The following ABCB5 variants were observed in gnomAD, a reference collection of about 807,000 sequenced individuals.
ABCB5 encodes ATP-binding cassette sub-family B member 5.
ABCB5 carries 155 observed loss-of-function variants against 144.2 expected under a neutral mutation model. The observed-to-expected ratio is 1.08, with a 90% confidence interval of 0.94 to 1.23. The LOEUF is 1.23. Among genes scored for constraint, ABCB5 ranks in the 50% most tolerant of loss-of-function variants. The pLI is 0.00. For synonymous variants in ABCB5, 610 were observed against 528.6 expected (o/e 1.15, Z -2.11); for missense variants, 1,830 against 1,520.8 (o/e 1.20, Z -3.38).
At chr7:20,668,591 G>T (rs1378681194) in intron 14 of ABCB5, among the ~76,000 whole-genome samples, 2 of 24,494 alleles carry the variant, frequency 8.2e-5, no homozygotes, top group Non-Finnish European at 1.9e-4. Flanking sequence ...GGAGGGAGGT[G>T]GGGGGGGGGG....
intron 21 of ABCB5, among the ~76,000 whole-genome samples, chr7:20,726,620 G>C (rs1462942605): frequency 6.6e-6 from 1 of 152,042 alleles, no homozygotes; most frequent in African/African-American, 2.4e-5. Context: ...GCCCGCCTTG[G>C]CCTCCCAAAG....
intron 13 of ABCB5, 117 bp downstream of exon 13, chr7:20,651,740 A>C: frequency 8.9e-7 from 1 of 1,118,290 alleles, no homozygotes; most frequent in Non-Finnish European, 1.3e-6. Flanking sequence ...TAAATTCTGG[A>C]TTGTCCTAGA....
chr7:20,632,793 T>C (rs1335401874), intron 5 of ABCB5, among the ~76,000 whole-genome samples: 3 of 143,674 alleles, frequency 2.1e-5, no homozygotes, highest in Admixed American at 7.7e-5. Context: ...TTCTCACTCA[T>C]AGGTGGGAAT....
intron 14 of ABCB5, among the ~76,000 whole-genome samples, chr7:20,680,519 G>C (rs1424588176): frequency 6.6e-6 from 1 of 150,466 alleles, no homozygotes; most frequent in Non-Finnish European, 1.5e-5. Flanking sequence ...GCAGTGAGCC[G>C]AGATTGCGCC....
At chr7:20,731,760 C>T (rs1782230085) in intron 23 of ABCB5, among the ~76,000 whole-genome samples, 1 of 152,134 alleles carries the variant, frequency 6.6e-6, no homozygotes, top group African/African-American at 2.4e-5. Flanking sequence ...ATCCCTGTTG[C>T]TTCTCTTGCC....
chr7:20,731,031 C>A (rs182042576), intron 23 of ABCB5, among the ~76,000 whole-genome samples: 2 of 150,948 alleles, frequency 1.3e-5, no homozygotes, highest in African/African-American at 2.5e-5. Flanking sequence ...TGTCACTACT[C>A]TTTCTTTGCT....
chr7:20,666,984 G>A (rs889518490), intron 14 of ABCB5: 6 of 880,834 alleles, frequency 6.8e-6, no homozygotes, highest in Admixed American at 4.0e-5. Context: ...ATATTTTGTT[G>A]TTGTTCACTA....
In ABCB5 at chr7:20,681,505, G is replaced by C; in HGVS notation, c.1708G>C (p.Ala570Pro). The C allele has an allele frequency of 6.2e-7, 1 of 1,613,922 alleles. No individual in the cohort carries two copies. The highest frequency in any genetic ancestry group is 8.5e-7 in the Non-Finnish European group (1 of 1,179,898). Residue 570 changes from alanine (A) to proline (P), a missense_variant and splice_region_variant, in exon 15 of 28, where the codon GCG becomes CCG. By Grantham distance (27) the Ala-to-Pro change is conservative (BLOSUM62 -1). Coordinates refer to ENST00000404938, the MANE Select transcript of ABCB5 (RefSeq NM_001163941.2). ...ATTTTCTATGCATTTTATTCTGTAG[G>C]CGAGCAAAGGTCGGACTACAATCGT... ...KSAVQAALEK[A>P]SKGRTTIVVA...
intron 2 of ABCB5, among the ~76,000 whole-genome samples, chr7:20,623,845 A>T (rs1446967528): frequency 1.3e-5 from 2 of 152,338 alleles, no homozygotes; most frequent in Non-Finnish European, 2.9e-5. Flanking sequence ...CACTTTTACC[A>T]TAATAATTGT....
intron 26 of ABCB5, among the ~76,000 whole-genome samples, chr7:20,752,507 T>A (rs1424679030): frequency 6.6e-6 from 1 of 152,176 alleles, no homozygotes; most frequent in African/African-American, 2.4e-5. Flanking sequence ...AAGTGCTAAA[T>A]GTCACCATTA....
Position 20,723,075 on chromosome 7 carries a change from T to A in ABCB5, c.2481T>A (p.Val827=). The A allele has an allele frequency of 6.2e-7, 1 of 1,614,186 alleles. No individual in the cohort carries two copies. The highest frequency in any genetic ancestry group is 1.7e-5 in the Admixed American group (1 of 60,022). The change falls in exon 21 of 28, where the codon GTT becomes GTA. Residue 827 remains valine, a synonymous_variant. Coordinates refer to ENST00000404938, the MANE Select transcript of ABCB5 (RefSeq NM_001163941.2). ...TQNATNMGLS[V]IISFIYGWEM... ...ATGCAACTAACATGGGACTTTCAGT[T>A]ATCATTTCCTTTATATATGGATGGG...
chr7:20,724,325 T>C (rs1369855677), intron 21 of ABCB5, among the ~76,000 whole-genome samples: 1 of 152,006 alleles, frequency 6.6e-6, no homozygotes, highest in Non-Finnish European at 1.5e-5. Context: ...ACAAGGAGAC[T>C]TCTGTTGACT....
In ABCB5 at chr7:20,650,022, A is replaced by T. The variant is rs1418666822; in HGVS notation, c.1207A>T (p.Ile403Phe). 1 of 1,610,876 alleles carries T rather than the reference A, an allele frequency of 6.2e-7. No individual in the cohort carries two copies. The highest frequency in any genetic ancestry group is 1.7e-5 in the Admixed American group (1 of 59,544). ...FNYPSRPSIK[I>F]LKGLNLRIKS... ...ATTTTCCCTCCATACATTCCAATAG[A>T]TTCTGAAAGGTCTGAATCTCAGAAT... Residue 403 changes from isoleucine (I) to phenylalanine (F), a missense_variant and splice_region_variant, in exon 12 of 28, where the codon ATT (isoleucine) becomes TTT (phenylalanine). Transcript: ENST00000404938.
chr7:20,725,534 G>A lies in ABCB5; in HGVS notation c.2626-1506G>A, dbSNP rs569607052. Among the ~76,000 whole-genome samples, 23 of 152,238 alleles carry A rather than the reference G, an allele frequency of 1.5e-4. No individual in the cohort carries two copies. The South Asian group carries it at 4.6e-3, about 30-fold the overall frequency. On this transcript the variant is annotated intron_variant, in intron 21 of 27. Coordinates refer to ENST00000404938, the MANE Select transcript of ABCB5 (RefSeq NM_001163941.2). ...GCAGAGGTTGCAGTGAGCCAAGATC[G>A]CACCACTGCACTCCAGCCTGGGCAA...
At chr7:20,643,750 A>T in intron 7 of ABCB5, 118 bp downstream of exon 7, 1 of 1,052,140 alleles carries the variant, frequency 9.5e-7, no homozygotes. Context: ...CTACAAAGGG[A>T]TATTATACAC....
At chr7:20,676,250 T>C (rs1257882374) in intron 14 of ABCB5, among the ~76,000 whole-genome samples, 2 of 152,006 alleles carry the variant, frequency 1.3e-5, no homozygotes, top group South Asian at 2.1e-4. Context: ...TATATTAATA[T>C]ATATTCAAAA....
chr7:20,695,049 C>A (rs945269970), intron 16 of ABCB5, among the ~76,000 whole-genome samples: 14 of 151,972 alleles, frequency 9.2e-5, no homozygotes, highest in African/African-American at 3.4e-4. Context: ...CATGGAAATG[C>A]AGAAAGCCAA....
intron 24 of ABCB5, among the ~76,000 whole-genome samples, chr7:20,742,568 G>C (rs1468627892): frequency 6.6e-6 from 1 of 152,174 alleles, no homozygotes; most frequent in Non-Finnish European, 1.5e-5. Flanking sequence ...GTATTACCCA[G>C]ATAAGCTGGT....
In ABCB5 at chr7:20,645,746, T is replaced by G. The variant is rs77094935; in HGVS notation, c.679-10T>G. 4,783 of 1,613,400 alleles carry G rather than the reference T, an allele frequency of 3.0e-3. 118 individuals are homozygous for G. In the African/African-American group the frequency reaches 0.055, roughly 19 times the overall value. On this transcript the variant is annotated splice_polypyrimidine_tract_variant and intron_variant, in intron 7 of 27. Coordinates refer to ENST00000404938, the MANE Select transcript of ABCB5 (RefSeq NM_001163941.2). ...AGTCATTTTTTAACTGTGGTTGTGGTTTATTACAGATGGTCATCTCATTGA... is the reference window on the plus strand; with the variant it reads ...AGTCATTTTTTAACTGTGGTTGTGGGTTATTACAGATGGTCATCTCATTGA...
Sources: allele counts gnomAD v4.1 joint callset (sites outside exome capture counted in the v4.1 genomes callset), GRCh38; gene constraint gnomAD v4.1.1; transcripts MANE v1.5; gene names NCBI Gene and HGNC (gene_info 2026-07-23, HGNC 2026-07-21).